The following CTNNA3 variants were observed in gnomAD, a reference collection of about 807,000 sequenced individuals.
CTNNA3 encodes the protein catenin alpha 3, also known as catenin alpha-3.
A neutral mutation model predicts 95.7 loss-of-function variants in CTNNA3; 76 were observed. That is an observed-to-expected ratio of 0.79 (90% CI 0.66 to 0.96). CTNNA3 has a LOEUF of 0.96. Ranked by LOEUF, CTNNA3 falls within the 40% of genes least tolerant of loss-of-function variation. The pLI is 0.00. For synonymous variants in CTNNA3, 431 were observed against 374.4 expected, an observed-to-expected ratio of 1.15 and a Z score of -1.74; for missense variants, 1,191 against 1,089.8, an observed-to-expected ratio of 1.09 and a Z score of -1.31.
At chr10:65,959,834 T>C (rs1165767407) in intron 17 of CTNNA3, among the ~76,000 whole-genome samples, 1 of 152,116 alleles carries the variant, frequency 6.6e-6, no homozygotes, top group African/African-American at 2.4e-5. Flanking sequence ...CTTTATTTGA[T>C]AAAGGATAGC....
At chr10:67,256,874 T>G (rs1045734860) in intron 5 of CTNNA3, among the ~76,000 whole-genome samples, 1 of 152,122 alleles carries the variant, frequency 6.6e-6, no homozygotes, top group Non-Finnish European at 1.5e-5. Flanking sequence ...AGTGAAATTT[T>G]TAGAACAAAA....
intron 9 of CTNNA3, among the ~76,000 whole-genome samples, chr10:66,644,220 C>CT (rs2132388601): frequency 6.6e-6 from 1 of 151,796 alleles, no homozygotes; most frequent in South Asian, 2.1e-4. Context: ...GATCATGCTA[C>CT]TGCACACTAG....
At chr10:66,381,787 G>C (rs982700944) in intron 11 of CTNNA3, among the ~76,000 whole-genome samples, 1 of 152,060 alleles carries the variant, frequency 6.6e-6, no homozygotes, top group African/African-American at 2.4e-5. Context: ...GTATCATTAA[G>C]CCCTACAGTA....
intron 12 of CTNNA3, among the ~76,000 whole-genome samples, chr10:66,312,680 G>T (rs572477781): frequency 2.0e-4 from 30 of 152,094 alleles, no homozygotes; most frequent in African/African-American, 6.7e-4. Flanking sequence ...CCGAGTAGCT[G>T]GGACTACAGG....
intron 3 of CTNNA3, among the ~76,000 whole-genome samples, chr10:67,564,359 T>A (rs1841665083): frequency 6.7e-6 from 1 of 149,326 alleles, no homozygotes; most frequent in East Asian, 1.9e-4. Context: ...TGGATGGAGC[T>A]GGTAACCACC....
intron 15 of CTNNA3, among the ~76,000 whole-genome samples, chr10:66,061,277 T>G (rs998983386): frequency 3.3e-5 from 5 of 152,144 alleles, no homozygotes; most frequent in African/African-American, 9.7e-5. Context: ...ATCTTCAGTT[T>G]AGGCTGGAAG....
At chr10:67,555,151 A>AC (rs1440152205) in intron 3 of CTNNA3, among the ~76,000 whole-genome samples, 4 of 151,900 alleles carry the variant, frequency 2.6e-5, no homozygotes, top group East Asian at 1.9e-4. Context: ...TGTTTTGGTT[A>AC]TGTAGTCTTG....
intron 11 of CTNNA3, among the ~76,000 whole-genome samples, chr10:66,463,902 T>C (rs930369154): frequency 2.0e-5 from 3 of 151,476 alleles, no homozygotes; most frequent in Non-Finnish European, 2.9e-5. Flanking sequence ...TTTTTTTTTT[T>C]ACAAATAAGC....
intron 1 of CTNNA3, among the ~76,000 whole-genome samples, chr10:67,660,040 C>T (rs1840133982): frequency 6.6e-6 from 1 of 152,132 alleles, no homozygotes; most frequent in African/African-American, 2.4e-5. Flanking sequence ...TCAATAAATA[C>T]ACTTAGGAAA....
intron 15 of CTNNA3, among the ~76,000 whole-genome samples, chr10:66,043,220 G>C (rs12255745): frequency 6.7e-5 from 10 of 148,986 alleles, no homozygotes; most frequent in African/African-American, 2.5e-4. Context: ...GCAATGCTAA[G>C]AAAAGGACAT....
chr10:66,380,133 C>T (rs2092825596), intron 11 of CTNNA3, among the ~76,000 whole-genome samples: 2 of 152,080 alleles, frequency 1.3e-5, no homozygotes, highest in Admixed American at 6.6e-5. Context: ...TCAGTAATTC[C>T]AGAACATATC....
chr10:66,380,991 C>G (rs1383813398), intron 11 of CTNNA3, among the ~76,000 whole-genome samples: 2 of 149,432 alleles, frequency 1.3e-5, no homozygotes, highest in African/African-American at 5.1e-5. Context: ...TTAGACAGAT[C>G]AATGAGACAG....
In CTNNA3 at chr10:66,927,088, A is replaced by C; in HGVS notation, c.1048-151564T>G. On this transcript the variant is annotated intron_variant, in intron 7 of 17. Transcript: ENST00000433211. This position sits in a 1 kb window ranked among gnomAD's most constrained non-coding sequence, Gnocchi z 4.7. ...TCAGAAATTACAGGAGATACCCTCAAGTATATCTGCTGGTTGCTTAGGTTT... is the reference window on the plus strand; with the variant it reads ...TCAGAAATTACAGGAGATACCCTCACGTATATCTGCTGGTTGCTTAGGTTT... 1 of 1,614,204 alleles carries C rather than the reference A, an allele frequency of 6.2e-7. No individual in the cohort carries two copies. Among genetic ancestry groups the C allele is most frequent in the Non-Finnish European group, 8.5e-7 (1 of 1,180,038 alleles).
chr10:67,275,191 T>C (rs1480631392), intron 5 of CTNNA3, among the ~76,000 whole-genome samples: 1 of 152,168 alleles, frequency 6.6e-6, no homozygotes, highest in Non-Finnish European at 1.5e-5. Flanking sequence ...TTGTAACAAC[T>C]ATATAAGGTA....
intron 10 of CTNNA3, among the ~76,000 whole-genome samples, chr10:66,580,085 T>C (rs1033767737): frequency 4.6e-5 from 7 of 150,874 alleles, no homozygotes; most frequent in Non-Finnish European, 3.0e-5. Flanking sequence ...ATTTGTATTA[T>C]TTTTCAATGG....
chr10:66,804,663 T>C (rs1006771323), intron 7 of CTNNA3, among the ~76,000 whole-genome samples: 1 of 152,106 alleles, frequency 6.6e-6, no homozygotes, highest in African/African-American at 2.4e-5. Context: ...ATTAAACACC[T>C]GTAACATAAA....
chr10:66,711,258 C>CAAAAAAAAAA (rs56013857), intron 9 of CTNNA3, among the ~76,000 whole-genome samples: 29 of 118,148 alleles, frequency 2.5e-4, no homozygotes, highest in African/African-American at 7.7e-4. Context: ...GAACAAGAAA[C>CAAAAAAAAAA]AAAAAAAAAA....
intron 14 of CTNNA3, among the ~76,000 whole-genome samples, chr10:66,089,454 C>G (rs929199745): frequency 7.4e-5 from 11 of 149,488 alleles, no homozygotes; most frequent in Non-Finnish European, 1.6e-4. Flanking sequence ...TTGTTTATTC[C>G]TATTCCTTGT....
intron 5 of CTNNA3, among the ~76,000 whole-genome samples, chr10:67,485,508 A>G (rs913135404): frequency 7.2e-5 from 11 of 152,316 alleles, no homozygotes; most frequent in Admixed American, 7.2e-4. Flanking sequence ...AATTAAAATT[A>G]AAACAGAAAG....
Sources: gnomAD v4.1 joint callset for allele counts (sites outside exome capture counted in the v4.1 genomes callset) on GRCh38, gnomAD v4.1.1 for gene constraint, Gnocchi (gnomAD v3.1) non-coding constraint, MANE v1.5 for transcripts, NCBI Gene and HGNC (gene_info 2026-07-23, HGNC 2026-07-21) for gene names.